The following DEFB110 variants were observed in gnomAD, a reference collection of about 807,000 sequenced individuals.
DEFB110 encodes the protein beta-defensin 110.
In DEFB110, 4 loss-of-function variants were observed where a neutral mutation model predicts 2.5. The observed-to-expected ratio is 1.60, with a 90% confidence interval of 0.79 to 3.66. The LOEUF (loss-of-function observed/expected upper bound fraction) is 3.66. Among genes scored for constraint, DEFB110 ranks in the 30% most tolerant of loss-of-function variants. The pLI is 0.01. For synonymous variants in DEFB110, 29 were observed against 21.8 expected (o/e 1.33, Z -0.92); for missense variants, 94 against 75.4 (o/e 1.25, Z -0.91).
rs1295376655 is a variant in DEFB110, at chr6:50,019,301, G to T, written c.56-176C>A. On this transcript the variant is annotated intron_variant, in intron 1 of 1. Transcript: ENST00000371148. Reference sequence around the variant, plus strand: ...ACAAGCTACATTCTAGAAATAAAAAGGGTCTTGGACTTAAGTTAGGTGTTT... The same window carrying T: ...ACAAGCTACATTCTAGAAATAAAAATGGTCTTGGACTTAAGTTAGGTGTTT... 2.0e-5 allele frequency among the ~76,000 whole-genome samples: 3 copies of T among 152,054 alleles called. No individual in the cohort carries two copies. The East Asian group carries it at 5.8e-4, about 29-fold the overall frequency.
At chr6:50,018,823 G>A (rs905737979), downstream of DEFB110, 17 of 1,330,278 alleles carry the variant, frequency 1.3e-5, no homozygotes, top group African/African-American at 3.0e-5. Context: ...CCAGACATGA[G>A]CGTGACATAT....
In DEFB110 at chr6:50,021,795, A is replaced by G. The variant is rs1234314986; in HGVS notation, c.55+86T>C. ...TTTGTGAAATGATGTTTTAATCCCT[A>G]TGTTATTATCATATTTTTTATCAAG... On this transcript the variant is annotated intron_variant, in intron 1 of 1. Coordinates refer to ENST00000371148, the MANE Select transcript of DEFB110 (RefSeq NM_001037497.2). 1.5e-5 allele frequency: 19 copies of G among 1,255,734 alleles called. No individual in the cohort carries two copies. The South Asian group carries it at 1.6e-4, about 11-fold the overall frequency. The allele number at this position is 1,255,734 out of a possible 1,614,324, so 77.8% of individuals were successfully genotyped here.
chr6:50,014,158 A>G (rs1774276789), downstream of DEFB110, among the ~76,000 whole-genome samples: 1 of 151,904 alleles, frequency 6.6e-6, no homozygotes, highest in African/African-American at 2.4e-5. Flanking sequence ...ATAATTGTAA[A>G]ATAGCAATCG....
At chr6:50,009,218 C>T (rs1465808266) in exon 2 of DEFB110, 1 of 1,608,118 alleles carries the variant, frequency 6.2e-7, no homozygotes, top group South Asian at 1.1e-5. Context: ...TTACATATTC[C>T]TCTCACTTTT....
chr6:50,015,884 A>G (rs1774307155), downstream of DEFB110, among the ~76,000 whole-genome samples: 2 of 151,960 alleles, frequency 1.3e-5, no homozygotes, highest in Admixed American at 6.6e-5. Flanking sequence ...TTACAAATTG[A>G]CATTGATCTT....
At chr6:50,010,865 G>A (rs77687542) in intron 1 of DEFB110, among the ~76,000 whole-genome samples, 3,915 of 151,502 alleles carry the variant, frequency 0.026, 166 homozygotes, top group African/African-American at 0.09. Flanking sequence ...AAAGTCTATG[G>A]TGGTTTTTAA....
chr6:50,017,202 A>T (rs1392460018), downstream of DEFB110, among the ~76,000 whole-genome samples: 4 of 151,900 alleles, frequency 2.6e-5, no homozygotes, highest in East Asian at 7.7e-4. Context: ...AGTTAGGCCA[A>T]TTTTTCTTTC....
chr6:50,019,687 A>C (rs1196416166), intron 1 of DEFB110, among the ~76,000 whole-genome samples: 2 of 152,132 alleles, frequency 1.3e-5, no homozygotes, highest in Non-Finnish European at 2.9e-5. Flanking sequence ...TAAAGAAAAA[A>C]AAAGTGGAGC....
intron 1 of DEFB110, among the ~76,000 whole-genome samples, chr6:50,011,175 A>G (rs1288586423): frequency 6.6e-6 from 1 of 151,228 alleles, no homozygotes; most frequent in Non-Finnish European, 1.5e-5. Context: ...TATAATACAT[A>G]TAGATAAATA....
At chr6:50,016,856 T>G (rs1774328921), downstream of DEFB110, among the ~76,000 whole-genome samples, 1 of 151,790 alleles carries the variant, frequency 6.6e-6, no homozygotes, top group Non-Finnish European at 1.5e-5. Context: ...AAGGCCACCT[T>G]AGAAATTTAG....
chr6:50,021,824 C>T (rs967576290), intron 1 of DEFB110, 57 bp downstream of exon 1: 33 of 1,462,536 alleles, frequency 2.3e-5, no homozygotes, highest in Non-Finnish European at 2.9e-5. Context: ...TATCAAGAAA[C>T]AACTTATGTC....
downstream of DEFB110, among the ~76,000 whole-genome samples, chr6:50,013,970 A>G (rs1003846774): frequency 6.6e-6 from 1 of 151,848 alleles, no homozygotes; most frequent in Non-Finnish European, 1.5e-5. Context: ...GTAAGTAGTA[A>G]TAAATACTGT....
At chr6:50,010,917 A>G (rs1401773825) in intron 1 of DEFB110, among the ~76,000 whole-genome samples, 1 of 151,744 alleles carries the variant, frequency 6.6e-6, no homozygotes, top group Non-Finnish European at 1.5e-5. Flanking sequence ...TAGAAATAAT[A>G]GTAATATTTA....
At chr6:50,013,428 G>A (rs952366721) in intron 1 of DEFB110, among the ~76,000 whole-genome samples, 1 of 151,788 alleles carries the variant, frequency 6.6e-6, no homozygotes, top group African/African-American at 2.4e-5. Context: ...ATATGGATGT[G>A]AACTTTAGAA....
At chr6:50,017,928 T>A (rs1034791049), downstream of DEFB110, among the ~76,000 whole-genome samples, 4 of 151,984 alleles carry the variant, frequency 2.6e-5, no homozygotes, top group Non-Finnish European at 5.9e-5. Flanking sequence ...TTTCTTTAGT[T>A]AATTTCCCAA....
chr6:50,014,856 C>G (rs936919216), downstream of DEFB110, among the ~76,000 whole-genome samples: 3 of 151,714 alleles, frequency 2.0e-5, no homozygotes, highest in African/African-American at 7.2e-5. Context: ...GAAAGCATCC[C>G]CATGCTCTAA....
chr6:50,018,830 A>G (rs1582368299), downstream of DEFB110: 2 of 1,354,486 alleles, frequency 1.5e-6, no homozygotes, highest in Non-Finnish European at 1.9e-6. Flanking sequence ...TGAGCGTGAC[A>G]TATGATCACT....
In DEFB110 at chr6:50,019,075, T is replaced by C. The variant is rs761565401; in HGVS notation, c.106A>G (p.Arg36Gly). Residue 36 changes from arginine to glycine, a missense_variant, in exon 2 of 2, where the codon AGA becomes GGA. Physicochemically the swap from Arg to Gly is moderately radical, Grantham distance 125 (BLOSUM62 -2). Coordinates refer to ENST00000371148, the MANE Select transcript of DEFB110 (RefSeq NM_001037497.2). ...YGSLDLRREC[R>G]IGNGQCKNQC... ...TTTTTACATTGACCATTACCTATTC[T>C]GCACTCTCTCCTCAAGTCCAAGCTA... 3 of 1,613,298 alleles carry C rather than the reference T, an allele frequency of 1.9e-6. No homozygotes were observed. In the South Asian group the frequency reaches 3.3e-5, roughly 18 times the overall value.
rs757540313 is a variant in DEFB110 at position 50,021,965 on chromosome 6, A to G, written c.-30T>C. On this transcript the variant is annotated 5_prime_UTR_variant, in exon 1 of 2. Transcript: ENST00000371148. ...GAGAGTTTCTTAAAAAAAGGGGGCAACAGACCTCCTTTTTCAAGTCAGTTG... is the reference window on the plus strand; with the variant it reads ...GAGAGTTTCTTAAAAAAAGGGGGCAGCAGACCTCCTTTTTCAAGTCAGTTG... 1 of 1,515,284 alleles carries G rather than the reference A, an allele frequency of 6.6e-7. No homozygotes were observed. The highest frequency in any genetic ancestry group is 8.8e-7 in the Non-Finnish European group (1 of 1,135,014). The allele number at this position is 1,515,284 out of a possible 1,614,324, so 93.9% of individuals were successfully genotyped here. A position where few individuals can be genotyped will look rare whatever the true frequency, so the allele number is the denominator to read the frequency against.
Sources: gnomAD v4.1 joint callset for allele counts (sites outside exome capture counted in the v4.1 genomes callset) on GRCh38, gnomAD v4.1.1 for gene constraint, MANE v1.5 for transcripts, NCBI Gene and HGNC (gene_info 2026-07-23, HGNC 2026-07-21) for gene names.